Variants in FGF14 observed in about 807,000 individuals in gnomAD.
FGF14 encodes fibroblast growth factor 14.
Under a neutral mutation model 25.5 loss-of-function variants are expected in FGF14, and 5 were observed. The ratio of observed to expected loss-of-function variants is 0.20; its 90% CI spans 0.10 to 0.41. The LOEUF (loss-of-function observed/expected upper bound fraction) is 0.41. Ranked by LOEUF, FGF14 falls within the 10% of genes least tolerant of loss-of-function variation. The pLI, the probability that FGF14 is intolerant of heterozygous loss-of-function variation, is 1.00. For missense variants in FGF14, 222 were observed against 320.1 expected (o/e 0.69, Z 2.34); for synonymous variants, 138 against 118.3 (o/e 1.17, Z -1.08).
chr13:102,063,727 T>C (rs1319336499), intron 1 of FGF14, among the ~76,000 whole-genome samples: 1 of 152,116 alleles, frequency 6.6e-6, no homozygotes, highest in African/African-American at 2.4e-5. Context: ...ATACAGGTAA[T>C]GCAATAACAT....
At chr13:102,334,854 C>T (rs2056745136) in intron 1 of FGF14, among the ~76,000 whole-genome samples, 1 of 152,122 alleles carries the variant, frequency 6.6e-6, no homozygotes, top group Admixed American at 6.6e-5. Flanking sequence ...AACAAGAGAA[C>T]TTCTGGGATC....
chr13:102,310,586 T>C (rs896773220), intron 1 of FGF14, among the ~76,000 whole-genome samples: 1 of 151,628 alleles, frequency 6.6e-6, no homozygotes. Context: ...AGTGTCTTTC[T>C]GGGCCAGGAG....
At chr13:102,316,644 GTA>G (rs112712809) in intron 1 of FGF14, among the ~76,000 whole-genome samples, 1 of 151,882 alleles carries the variant, frequency 6.6e-6, no homozygotes, top group Non-Finnish European at 1.5e-5. Flanking sequence ...ATGTGTGTGT[GTA>G]TATATATATG....
In FGF14 at chr13:101,901,759, G is replaced by C. The variant is rs377588491; in HGVS notation, c.193+14694C>G. Reference sequence around the variant, plus strand: ...CCCAACTAATCAAACAAACAGATACGCGAGGAGTTTGTGCAGAAGAAATAG... The same window carrying C: ...CCCAACTAATCAAACAAACAGATACCCGAGGAGTTTGTGCAGAAGAAATAG... On this transcript the variant is annotated intron_variant, in intron 1 of 4. Transcript: ENST00000376143. Among the ~76,000 whole-genome samples the C allele has an allele frequency of 3.3e-5, 5 of 152,144 alleles. 1 individual carries two copies. Among genetic ancestry groups the C allele is most frequent in the East Asian group, 1.9e-4 (1 of 5,184 alleles).
chr13:101,988,541 T>A (rs2038718039), intron 1 of FGF14, among the ~76,000 whole-genome samples: 1 of 151,856 alleles, frequency 6.6e-6, no homozygotes, highest in African/African-American at 2.4e-5. Flanking sequence ...AAAGGATGAG[T>A]TCATGTTCTT....
chr13:102,220,853 C>T (rs954198894), intron 1 of FGF14, among the ~76,000 whole-genome samples: 1 of 152,126 alleles, frequency 6.6e-6, no homozygotes, highest in Non-Finnish European at 1.5e-5. Context: ...ATGAGACAGG[C>T]CTGTTGGTCT....
chr13:102,098,038 A>G (rs555616646), intron 1 of FGF14, among the ~76,000 whole-genome samples: 1 of 152,322 alleles, frequency 6.6e-6, no homozygotes, highest in South Asian at 2.1e-4. Context: ...CATCACAGTC[A>G]TGTGTGGCTT....
At chr13:102,387,636 A>G (rs940264631) in intron 1 of FGF14, among the ~76,000 whole-genome samples, 1 of 152,048 alleles carries the variant, frequency 6.6e-6, no homozygotes, top group African/African-American at 2.4e-5. Flanking sequence ...ATGTAGGTAA[A>G]TAGTGTATCA....
chr13:101,728,082 TC>T (rs2035562118), intron 3 of FGF14, among the ~76,000 whole-genome samples: 1 of 152,178 alleles, frequency 6.6e-6, no homozygotes, highest in African/African-American at 2.4e-5. Flanking sequence ...TGACCTAATG[TC>T]ATGTAGAAAT....
intron 1 of FGF14, among the ~76,000 whole-genome samples, chr13:101,906,994 T>G (rs2139037552): frequency 6.6e-6 from 1 of 152,252 alleles, no homozygotes; most frequent in South Asian, 2.1e-4. Context: ...ATGCTTAAAC[T>G]TGAGTGATAT....
intron 1 of FGF14, among the ~76,000 whole-genome samples, chr13:102,142,263 T>C (rs2046673495): frequency 6.6e-6 from 1 of 152,202 alleles, no homozygotes; most frequent in Non-Finnish European, 1.5e-5. Flanking sequence ...ATTAGATATA[T>C]ATTGCATCTT....
intron 1 of FGF14, among the ~76,000 whole-genome samples, chr13:102,187,956 C>G (rs1356367561): frequency 6.6e-6 from 1 of 152,158 alleles, no homozygotes; most frequent in Non-Finnish European, 1.5e-5. Flanking sequence ...TGCATAAGGA[C>G]AGTTGAAAGA....
In FGF14 at chr13:102,287,477, G is replaced by A. The variant is rs2054163247; in HGVS notation, c.208+113994C>T. Among the ~76,000 whole-genome samples the A allele has an allele frequency of 3.3e-5, 5 of 152,162 alleles. 1 individual carries two copies. In the South Asian group the frequency reaches 1.0e-3, roughly 32 times the overall value. ...TCTTTCTGAAAACATCTCTATTAAGGCCATGCCTTTTTTTCTTCTCCTCTG... is the reference window on the plus strand; with the variant it reads ...TCTTTCTGAAAACATCTCTATTAAGACCATGCCTTTTTTTCTTCTCCTCTG... On this transcript the variant is annotated intron_variant, in intron 1 of 4. Coordinates refer to the FGF14 transcript ENST00000376131.
At chr13:102,376,847 T>C (rs1307281532) in intron 1 of FGF14, among the ~76,000 whole-genome samples, 1 of 152,178 alleles carries the variant, frequency 6.6e-6, no homozygotes, top group Non-Finnish European at 1.5e-5. Context: ...TGGAATTCCA[T>C]GTTTTCCAAT....
intron 1 of FGF14, among the ~76,000 whole-genome samples, chr13:101,922,396 C>T (rs183348688): frequency 6.6e-6 from 1 of 152,152 alleles, no homozygotes; most frequent in South Asian, 2.1e-4. Flanking sequence ...GTGACACCCT[C>T]GGGGCTTACT....
chr13:101,844,104 G>A (rs1032134552), intron 3 of FGF14, among the ~76,000 whole-genome samples: 4 of 151,946 alleles, frequency 2.6e-5, no homozygotes, highest in Non-Finnish European at 4.4e-5. Context: ...GCCTTTTTGT[G>A]TGTGTGTCTT....
chr13:101,800,775 C>T (rs1454907046), intron 3 of FGF14, among the ~76,000 whole-genome samples: 2 of 152,124 alleles, frequency 1.3e-5, no homozygotes, highest in Non-Finnish European at 2.9e-5. Context: ...ACAGAGTTCA[C>T]ACCTTAGCAG....
chr13:102,078,616 A>G (rs771232387), intron 1 of FGF14, among the ~76,000 whole-genome samples: 26 of 152,122 alleles, frequency 1.7e-4, no homozygotes, highest in Non-Finnish European at 2.8e-4. Flanking sequence ...CAACTGCACT[A>G]TGGAAGATGA....
chr13:102,133,094 A>G (rs952931969), intron 1 of FGF14, among the ~76,000 whole-genome samples: 23 of 152,196 alleles, frequency 1.5e-4, no homozygotes, highest in African/African-American at 5.6e-4. Context: ...ATTATTTTCT[A>G]TCTTCAACAC....
Sources: gnomAD v4.1 joint callset for allele counts (sites outside exome capture counted in the v4.1 genomes callset) on GRCh38, gnomAD v4.1.1 for gene constraint, MANE v1.5 for transcripts, NCBI Gene and HGNC (gene_info 2026-07-23, HGNC 2026-07-21) for gene names.